Variants in FLRT2 observed in about 807,000 individuals in gnomAD.
FLRT2 encodes the protein fibronectin leucine rich transmembrane protein 2, also known as leucine-rich repeat transmembrane protein FLRT2.
FLRT2 carries 15 observed loss-of-function variants against 40.0 expected under a neutral mutation model. That is an observed-to-expected ratio of 0.38 (90% CI 0.25 to 0.58). The LOEUF is 0.58. FLRT2 is among the 20% of genes least tolerant of loss of function. The pLI, the probability that FLRT2 is intolerant of heterozygous loss-of-function variation, is 0.71. For synonymous variants in FLRT2, 380 were observed against 336.8 expected (o/e 1.13, Z -1.41); for missense variants, 726 against 840.0 (o/e 0.86, Z 1.68).
intron 1 of FLRT2, among the ~76,000 whole-genome samples, chr14:85,604,031 A>G (rs542320955): frequency 1.3e-5 from 2 of 152,236 alleles, no homozygotes; most frequent in East Asian, 3.9e-4. Context: ...TGCTTTCTTC[A>G]ATATCATTTT....
At chr14:85,571,828 C>T (rs1278386907) in intron 1 of FLRT2, among the ~76,000 whole-genome samples, 1 of 152,100 alleles carries the variant, frequency 6.6e-6, no homozygotes, top group East Asian at 1.9e-4. Context: ...TCAAGAGATA[C>T]CATTGTTTTG....
intron 1 of FLRT2, among the ~76,000 whole-genome samples, chr14:85,608,951 A>T (rs1892745338): frequency 6.6e-6 from 1 of 152,196 alleles, no homozygotes; most frequent in African/African-American, 2.4e-5. Flanking sequence ...TGGCTTCCAG[A>T]ATATCCTGGA....
Position 85,653,898 on chromosome 14 carries a change from T to A in FLRT2, c.*30401T>A, listed in dbSNP as rs1403892925. 1.3e-5 allele frequency: 2 copies of A among 152,190 alleles called. No homozygotes were observed. Among genetic ancestry groups the A allele is most frequent in the Non-Finnish European group, 2.9e-5 (2 of 68,042 alleles). The allele number at this position is 152,190 out of a possible 1,614,324, so 9.4% of individuals were successfully genotyped here. A position where few individuals can be genotyped will look rare whatever the true frequency, so the allele number is the denominator to read the frequency against. On this transcript the variant is annotated 3_prime_UTR_variant, in exon 2 of 2. Coordinates refer to ENST00000330753, the MANE Select transcript of FLRT2 (RefSeq NM_013231.6). ...CATAGCAAAATTATACCTATTTTTT[T>A]AAATTGAAGTACAAAGAAACTGTAG...
At chr14:85,554,230 G>A (rs560218841) in intron 1 of FLRT2, among the ~76,000 whole-genome samples, 4 of 152,162 alleles carry the variant, frequency 2.6e-5, no homozygotes, top group Admixed American at 6.6e-5. Flanking sequence ...ATACCAGAAA[G>A]TTCAAAGTGC....
At chr14:85,600,753 A>G (rs1892346037) in intron 1 of FLRT2, among the ~76,000 whole-genome samples, 1 of 152,186 alleles carries the variant, frequency 6.6e-6, no homozygotes, top group Non-Finnish European at 1.5e-5. Flanking sequence ...CATGGAAGCA[A>G]AAATAAAGGT....
chr14:85,546,458 T>C (rs975363285), intron 1 of FLRT2, among the ~76,000 whole-genome samples: 10 of 152,064 alleles, frequency 6.6e-5, no homozygotes, highest in African/African-American at 1.9e-4. Context: ...TTTAGGGAAG[T>C]AGGTACTACT....
intron 1 of FLRT2, among the ~76,000 whole-genome samples, chr14:85,544,447 A>C (rs555498349): frequency 6.6e-6 from 1 of 152,350 alleles, no homozygotes; most frequent in African/African-American, 2.4e-5. Context: ...AGAGCAAAGC[A>C]AAGGTCTTGT....
At chr14:85,572,509 C>T (rs1890940195) in intron 1 of FLRT2, among the ~76,000 whole-genome samples, 1 of 152,150 alleles carries the variant, frequency 6.6e-6, no homozygotes, top group Non-Finnish European at 1.5e-5. Context: ...TATTCACGTC[C>T]CGTATTCATG....
At chr14:85,604,960 A>G (rs1449273968) in intron 1 of FLRT2, among the ~76,000 whole-genome samples, 1 of 152,228 alleles carries the variant, frequency 6.6e-6, no homozygotes, top group African/African-American at 2.4e-5. Flanking sequence ...AGAGTTCAGA[A>G]TCATCACAGG....
At chr14:85,592,364 TCA>T (rs1053666362) in intron 1 of FLRT2, among the ~76,000 whole-genome samples, 19 of 152,126 alleles carry the variant, frequency 1.2e-4, no homozygotes, top group African/African-American at 4.6e-4. Flanking sequence ...GAACCTCCAC[TCA>T]CCTTTCTTTT....
chr14:85,637,450 G>A lies in FLRT2; in HGVS notation c.*13953G>A, dbSNP rs560891347. ...TAACAAAAACACCTACCACAGTGTT[G>A]GTGTGAAGACTCATTTAAAGTTACT... On this transcript the variant is annotated 3_prime_UTR_variant, in exon 2 of 2. Coordinates refer to ENST00000330753, the MANE Select transcript of FLRT2 (RefSeq NM_013231.6). 1 of 152,246 alleles carries A rather than the reference G, an allele frequency of 6.6e-6. No homozygotes were observed. The highest frequency in any genetic ancestry group is 2.4e-5 in the African/African-American group (1 of 41,544). The allele number at this position is 152,246 out of a possible 1,614,324, so 9.4% of individuals were successfully genotyped here.
In FLRT2 at chr14:85,586,077, TTATA is replaced by T. The variant is rs1448967165; in HGVS notation, c.-376-35059_-376-35056del. Among the ~76,000 whole-genome samples, 8 of 148,336 alleles carry T rather than the reference TTATA, an allele frequency of 5.4e-5. No individual in the cohort carries two copies. The East Asian group carries it at 9.7e-4, about 18-fold the overall frequency. ...AAGTGATATAAGCTATATACAGTTT[TTATA>T]TAGTCAGTGTATATTTATTATATTT... On this transcript the variant is annotated intron_variant, in intron 1 of 1. Coordinates refer to ENST00000330753, the MANE Select transcript of FLRT2 (RefSeq NM_013231.6).
rs146252591 is a variant in FLRT2 at position 85,592,846 on chromosome 14, C to G, written c.-376-28293C>G. On this transcript the variant is annotated intron_variant, in intron 1 of 1. Transcript: ENST00000330753. ...ACCTGGAACCGCATGAATTCTGTAC[C>G]TGTTCATACAGGATACCATGCAGAG... is the stretch of plus-strand genomic sequence containing the variant. Among the ~76,000 whole-genome samples, 182 of 151,152 alleles carry G rather than the reference C, an allele frequency of 1.2e-3. 1 individual carries two copies. The highest frequency in any genetic ancestry group is 3.6e-3 in the African/African-American group (150 of 41,182).
In FLRT2 at chr14:85,653,888, C is replaced by G. The variant is rs1175424786; in HGVS notation, c.*30391C>G. 6.6e-6 allele frequency: 1 copy of G among 152,068 alleles called. No individual in the cohort carries two copies. Among genetic ancestry groups the G allele is most frequent in the Non-Finnish European group, 1.5e-5 (1 of 68,012 alleles). The allele number at this position is 152,068 out of a possible 1,614,324, so 9.4% of individuals were successfully genotyped here. ...ATGAAGAAAACATAGCAAAATTATACCTATTTTTTTAAATTGAAGTACAAA... is the reference window on the plus strand; with the variant it reads ...ATGAAGAAAACATAGCAAAATTATAGCTATTTTTTTAAATTGAAGTACAAA... On this transcript the variant is annotated 3_prime_UTR_variant, in exon 2 of 2. Transcript: ENST00000330753.
chr14:85,570,882 G>C (rs965812440), intron 1 of FLRT2, among the ~76,000 whole-genome samples: 8 of 144,280 alleles, frequency 5.5e-5, no homozygotes, highest in African/African-American at 2.0e-4. Context: ...ACCACGCCCG[G>C]CCAAATTCCC....
chr14:85,568,110 C>T (rs75250933), intron 1 of FLRT2, among the ~76,000 whole-genome samples: 8 of 151,614 alleles, frequency 5.3e-5, no homozygotes, highest in Non-Finnish European at 8.8e-5. Flanking sequence ...TGGAGGGTTC[C>T]TTGAGAATTT....
At chr14:85,535,892 GTTTTTTTTTT>G (rs71454768) in intron 1 of FLRT2, among the ~76,000 whole-genome samples, 1 of 57,898 alleles carries the variant, frequency 1.7e-5, no homozygotes, top group Non-Finnish European at 3.4e-5. Context: ...AAGGAATGCT[GTTTTTTTTTT>G]TTTTTTTTTT....
At position 85,639,626 on chromosome 14, in the gene FLRT2, G is replaced by C. The variant is rs570696797; in HGVS notation, c.*16129G>C. ...TCTCATGAGTTTGGCTAAAATTAGA[G>C]TGTGTGTTAGTAGAATTTATATTTA... On this transcript the variant is annotated 3_prime_UTR_variant, in exon 2 of 2. Transcript: ENST00000330753. 3.1e-4 allele frequency: 47 copies of C among 152,148 alleles called. No homozygotes were observed. The highest frequency in any genetic ancestry group is 1.1e-3 in the African/African-American group (47 of 41,522). The allele number at this position is 152,148 out of a possible 1,614,324, so 9.4% of individuals were successfully genotyped here. A position where few individuals can be genotyped will look rare whatever the true frequency, so the allele number is the denominator to read the frequency against.
At chr14:85,588,031 A>G (rs943889420) in intron 1 of FLRT2, among the ~76,000 whole-genome samples, 17 of 152,054 alleles carry the variant, frequency 1.1e-4, no homozygotes, top group Admixed American at 1.1e-3. Context: ...TCCCGGGTTC[A>G]TGCCATTCTC....
Sources: allele counts gnomAD v4.1 joint callset (sites outside exome capture counted in the v4.1 genomes callset), GRCh38; gene constraint gnomAD v4.1.1; transcripts MANE v1.5; gene names NCBI Gene and HGNC (gene_info 2026-07-23, HGNC 2026-07-21).